Variants in KCNH1 observed in about 807,000 individuals in gnomAD.
KCNH1 encodes potassium voltage-gated channel subfamily H member 1, also known as voltage-gated delayed rectifier potassium channel KCNH1.
Under a neutral mutation model 69.2 loss-of-function variants are expected in KCNH1, and 27 were observed. The observed-to-expected ratio is 0.39, with a 90% CI of 0.29 to 0.54. The LOEUF is 0.54. Among genes scored for constraint, KCNH1 ranks in the 20% least tolerant of loss-of-function variants. The pLI is 0.68. For synonymous variants in KCNH1, 456 were observed against 487.7 expected (o/e 0.93, Z 0.86); for missense variants, 798 against 1,261.6 (o/e 0.63, Z 5.57).
chr1:210,841,304 T>G (rs188149844), intron 7 of KCNH1, among the ~76,000 whole-genome samples: 90 of 152,298 alleles, frequency 5.9e-4, no homozygotes, highest in African/African-American at 1.7e-3. Context: ...AGGCCAGCCT[T>G]CAAGGCCCCC....
At chr1:210,868,313 G>T (rs1385608856) in intron 7 of KCNH1, among the ~76,000 whole-genome samples, 1 of 151,662 alleles carries the variant, frequency 6.6e-6, no homozygotes, top group Non-Finnish European at 1.5e-5. Context: ...AGTTGTATAA[G>T]TTTTTTTTAA....
At chr1:210,756,171 C>T (rs1265597639) in intron 10 of KCNH1, among the ~76,000 whole-genome samples, 1 of 152,138 alleles carries the variant, frequency 6.6e-6, no homozygotes, top group African/African-American at 2.4e-5. Context: ...TAGGATTTGT[C>T]CCATAGCCTG....
intron 5 of KCNH1, among the ~76,000 whole-genome samples, chr1:211,067,533 T>G (rs1002724730): frequency 2.0e-5 from 3 of 152,210 alleles, no homozygotes; most frequent in African/African-American, 7.2e-5. Flanking sequence ...CAGTGCTGCT[T>G]CCTACCTGTT....
At chr1:211,086,669 T>C (rs1690958210) in intron 4 of KCNH1, among the ~76,000 whole-genome samples, 1 of 152,158 alleles carries the variant, frequency 6.6e-6, no homozygotes, top group Non-Finnish European at 1.5e-5. Flanking sequence ...GACTCCACAA[T>C]GGCTGGTGGG....
chr1:210,684,101 T>C lies in KCNH1; in HGVS notation c.2150A>G (p.Glu717Gly). The part of the protein sequence containing the change: ...FRKISDVKRE[E>G]EERMKRKNEA... ...ATTCTTTCGTTTCATGCGTTCTTCCTCTTCACGTTTCACATCGCTGATCTT... is the reference window on the plus strand; with the variant it reads ...ATTCTTTCGTTTCATGCGTTCTTCCCCTTCACGTTTCACATCGCTGATCTT... The change falls in exon 11 of 11, where the codon GAG (glutamate) becomes GGG (glycine). Residue 717 changes from glutamate (E) to glycine (G), a missense_variant. Around this residue, in one of 4 missense-constraint regions of KCNH1, gnomAD observed 331 missense variants for 363.2 expected, o/e 0.91. Transcript: ENST00000271751. The C allele has an allele frequency of 6.6e-7, 1 of 1,513,450 alleles. No homozygotes were observed. The highest frequency in any genetic ancestry group is 8.8e-7 in the Non-Finnish European group (1 of 1,130,700). 93.8% of individuals were successfully genotyped at this position (1,513,450 alleles called of 1,614,324 possible).
intron 3 of KCNH1, among the ~76,000 whole-genome samples, chr1:211,098,261 C>A (rs1381408721): frequency 6.7e-6 from 1 of 148,496 alleles, no homozygotes; most frequent in Non-Finnish European, 1.5e-5. Context: ...GCAGAGGTTG[C>A]AGTGAGCTGA....
chr1:210,949,156 T>C (rs1249897473), intron 6 of KCNH1, among the ~76,000 whole-genome samples: 1 of 152,176 alleles, frequency 6.6e-6, no homozygotes, highest in African/African-American at 2.4e-5. Context: ...GGAAAAAAGA[T>C]ACCATGAACT....
rs540638225 is a variant in KCNH1, at chr1:211,078,176, G to C, written c.558+4604C>G. On this transcript the variant is annotated intron_variant, in intron 5 of 10. Transcript: ENST00000271751. ...CTCCAACCCAGTAATCATGGGAGAG[G>C]TTAATAACCCACTGTCAATATTAGA... 2.9e-4 allele frequency among the ~76,000 whole-genome samples: 44 copies of C among 152,282 alleles called. 2 individuals are homozygous for C. The South Asian group carries it at 8.5e-3, about 29-fold the overall frequency.
At chr1:210,831,213 CTGTT>C (rs1006151707) in intron 7 of KCNH1, among the ~76,000 whole-genome samples, 7 of 152,280 alleles carry the variant, frequency 4.6e-5, no homozygotes, top group African/African-American at 1.7e-4. Context: ...ATGCTTTATT[CTGTT>C]TAAGTTCAAG....
At chr1:210,817,608 A>G (rs1225196838) in intron 7 of KCNH1, among the ~76,000 whole-genome samples, 3 of 152,158 alleles carry the variant, frequency 2.0e-5, no homozygotes, top group Admixed American at 2.0e-4. Context: ...TCTAAACAAT[A>G]AACACACATG....
chr1:210,944,601 G>A (rs376388810), intron 6 of KCNH1, among the ~76,000 whole-genome samples: 2 of 152,204 alleles, frequency 1.3e-5, no homozygotes, highest in African/African-American at 2.4e-5. Context: ...GGAACCAGAA[G>A]TGCAGGGAAG....
intron 10 of KCNH1, among the ~76,000 whole-genome samples, chr1:210,691,235 C>T (rs1278674115): frequency 6.6e-6 from 1 of 152,172 alleles, no homozygotes; most frequent in Non-Finnish European, 1.5e-5. Context: ...GTGTTCCAAA[C>T]AGGGAACAGC....
At chr1:210,969,467 C>T (rs1366103916) in intron 6 of KCNH1, among the ~76,000 whole-genome samples, 1 of 152,062 alleles carries the variant, frequency 6.6e-6, no homozygotes, top group Non-Finnish European at 1.5e-5. Flanking sequence ...CAATTATTAA[C>T]AATTATAGGG....
intron 10 of KCNH1, among the ~76,000 whole-genome samples, chr1:210,691,612 C>T (rs148241252): frequency 2.0e-5 from 3 of 152,242 alleles, no homozygotes; most frequent in African/African-American, 7.2e-5. Context: ...TTGATGACCT[C>T]CACTAGTGTC....
intron 5 of KCNH1, among the ~76,000 whole-genome samples, chr1:211,076,179 A>G (rs1403605590): frequency 1.3e-5 from 2 of 152,220 alleles, no homozygotes; most frequent in East Asian, 3.8e-4. Flanking sequence ...AAGACAGCAG[A>G]CAACTTCTGC....
intron 3 of KCNH1, 140 bp downstream of exon 3, chr1:211,103,356 T>A (rs1691295753): frequency 1.7e-6 from 1 of 576,124 alleles, no homozygotes; most frequent in Admixed American, 3.4e-5. Context: ...ATATCATCCA[T>A]CCCAACATAC....
At chr1:210,934,335 A>T (rs1687734529) in intron 6 of KCNH1, among the ~76,000 whole-genome samples, 1 of 152,354 alleles carries the variant, frequency 6.6e-6, no homozygotes, top group Middle Eastern at 3.4e-3. Context: ...ACTCAACAGC[A>T]AAACATTTAA....
intron 7 of KCNH1, among the ~76,000 whole-genome samples, chr1:210,863,913 T>G (rs1001220476): frequency 2.6e-5 from 4 of 152,114 alleles, no homozygotes; most frequent in African/African-American, 9.7e-5. Flanking sequence ...CAAGTGGTAG[T>G]TTTTGGAGCT....
intron 7 of KCNH1, among the ~76,000 whole-genome samples, chr1:210,840,787 C>T (rs1558491987): frequency 6.6e-6 from 1 of 152,134 alleles, no homozygotes; most frequent in Non-Finnish European, 1.5e-5. Context: ...TCAAGTCACC[C>T]AAGCTACCAT....
Sources: gnomAD v4.1 joint callset for allele counts (sites outside exome capture counted in the v4.1 genomes callset) on GRCh38, gnomAD v4.1.1 for gene constraint, gnomAD v4.1.1 regional missense constraint, MANE v1.5 for transcripts, NCBI Gene and HGNC (gene_info 2026-07-23, HGNC 2026-07-21) for gene names.